ZNFX1: variants seen among roughly 807,000 people sequenced by gnomAD.
ZNFX1 encodes the protein zinc finger NFX1-type containing 1.
Under a neutral mutation model 179.8 loss-of-function variants are expected in ZNFX1, and 78 were observed. The observed-to-expected ratio is 0.43, with a 90% CI of 0.36 to 0.52. ZNFX1 has a LOEUF of 0.52. Among genes scored for constraint, ZNFX1 ranks in the 20% least tolerant of loss-of-function variants. The pLI is 0.00. For missense variants in ZNFX1, 1,927 were observed against 2,386.6 expected, an observed-to-expected ratio of 0.81 and a Z score of 4.01; for synonymous variants, 848 against 868.5, an observed-to-expected ratio of 0.98 and a Z score of 0.42.
chr20:49,272,883 A>G (rs1412260745), intron 2 of ZNFX1, among the ~76,000 whole-genome samples: 1 of 152,224 alleles, frequency 6.6e-6, no homozygotes. Flanking sequence ...GAAGCCTAAC[A>G]TACCCAAAGT....
chr20:49,251,075 G>T (rs1450017504), intron 13 of ZNFX1, among the ~76,000 whole-genome samples: 1 of 151,746 alleles, frequency 6.6e-6, no homozygotes, highest in Non-Finnish European at 1.5e-5. Flanking sequence ...AAAAACCCTG[G>T]TCTGTATTTC....
Position 49,257,638 on chromosome 20 carries a change from C to T in ZNFX1, c.2443G>A (p.Glu815Lys), listed in dbSNP as rs1485066302. ...TAQAEGDEEE[E>K]GEEESSLIEI... ...ATCAGCGAACTCTCCTCCTCCCCTT[C>T]TTCCTCCTCATCCCCTTCTGCCTGG... is the stretch of plus-strand genomic sequence containing the variant. The change falls in exon 8 of 14, where the codon GAA becomes AAA. Residue 815 changes from glutamate (E) to lysine (K), a missense_variant. Coordinates refer to ENST00000396105, the MANE Select transcript of ZNFX1 (RefSeq NM_021035.3). 1.9e-6 allele frequency: 3 copies of T among 1,613,846 alleles called. No individual in the cohort carries two copies. In the South Asian group the frequency reaches 3.3e-5, roughly 18 times the overall value.
rs1479225690 is a variant in ZNFX1 at position 49,247,026 on chromosome 20, G to C, written c.*241C>G. On this transcript the variant is annotated 3_prime_UTR_variant, in exon 14 of 14. Transcript: ENST00000396105. Reference sequence around the variant, plus strand: ...TGGGATTACAGGCGCCCGCCATAACGCCCAGCTAATTTTTGTATTTTTAGT... The same window carrying C: ...TGGGATTACAGGCGCCCGCCATAACCCCCAGCTAATTTTTGTATTTTTAGT... The C allele has an allele frequency of 3.1e-5, 15 of 486,074 alleles. No homozygotes were observed. Among genetic ancestry groups the C allele is most frequent in the South Asian group, 3.1e-4 (15 of 49,142 alleles). The allele number at this position is 486,074 out of a possible 1,614,324, so 30.1% of individuals were successfully genotyped here.
chr20:49,249,126 G>A lies in ZNFX1; in HGVS notation c.3898C>T (p.His1300Tyr). The A allele has an allele frequency of 6.2e-7, 1 of 1,614,236 alleles. No homozygotes were observed. Among genetic ancestry groups the A allele is most frequent in the Non-Finnish European group, 8.5e-7 (1 of 1,180,042 alleles). Residue 1300 changes from histidine (H) to tyrosine (Y), a missense_variant, in exon 14 of 14, where the codon CAT becomes TAT. Transcript: ENST00000396105. The stretch of plus-strand genomic sequence containing the variant: ...GGGTGGCAGGCACGGGTGCAGACAT[G>A]CCCACAGCCCAGGCGGAACTCGCAG... The part of the protein sequence containing the change: ...LPCEFRLGCG[H>Y]VCTRACHPYD...
chr20:49,269,472 G>A (rs1160297557), intron 3 of ZNFX1, among the ~76,000 whole-genome samples: 3 of 152,038 alleles, frequency 2.0e-5, no homozygotes, highest in Non-Finnish European at 4.4e-5. Context: ...ACCTGAGGTC[G>A]GGAGTTCGAG....
At position 49,247,887 on chromosome 20, in the gene ZNFX1, C is replaced by T; in HGVS notation, c.5137G>A (p.Ala1713Thr). Residue 1713 changes from alanine (A) to threonine (T), a missense_variant, in exon 14 of 14, where the codon GCC becomes ACC. By Grantham distance (58) the Ala-to-Thr change is moderately conservative (BLOSUM62 0). Coordinates refer to ENST00000396105, the MANE Select transcript of ZNFX1 (RefSeq NM_021035.3). Reference sequence around the variant, plus strand: ...TTTTTCAGGGAATCCCACAGGCTGGCCAGGTGGTCATAGAAGCTGATGTAA... The same window carrying T: ...TTTTTCAGGGAATCCCACAGGCTGGTCAGGTGGTCATAGAAGCTGATGTAA... ...ENYISFYDHL[A>T]SLWDSLKKMH... 1.9e-6 allele frequency: 3 copies of T among 1,614,134 alleles called. No individual in the cohort carries two copies. Among genetic ancestry groups the T allele is most frequent in the Non-Finnish European group, 2.5e-6 (3 of 1,180,022 alleles).
At chr20:49,254,703 G>C in intron 9 of ZNFX1, 54 bp from the exon 10 acceptor site, 1 of 1,593,630 alleles carries the variant, frequency 6.3e-7, no homozygotes, top group Non-Finnish European at 8.6e-7. Flanking sequence ...TGAGAAGGTG[G>C]AAGAACGCCC....
rs746935622 is a variant in ZNFX1 at position 49,270,729 on chromosome 20, T to C, written c.1083A>G (p.Lys361=). ...PFLRPNIISG[K]YDSTAIYLDT... is the part of the protein sequence containing the mutation. ...CCAGATAGATAGCAGTGCTGTCGTA[T>C]TTTCCAGAAATGATATTGGGGCGAA... is the stretch of plus-strand genomic sequence containing the variant. Residue 361 remains lysine, a synonymous_variant, in exon 3 of 14, where the codon AAA becomes AAG. Transcript: ENST00000396105. The surrounding 1 kb of genome is among the most constrained non-coding windows in gnomAD (Gnocchi z 4.6). 2.5e-6 allele frequency: 4 copies of C among 1,614,196 alleles called. No homozygotes were observed. In the Middle Eastern group the frequency reaches 4.9e-4, roughly 200 times the overall value.
intron 13 of ZNFX1, 110 bp from the exon 14 acceptor site, chr20:49,249,821 G>C: frequency 7.9e-7 from 1 of 1,266,680 alleles, no homozygotes; most frequent in Non-Finnish European, 1.1e-6. Flanking sequence ...AGAGACCTTG[G>C]AAAGCTTTTT....
chr20:49,273,694 C>T (rs1170602492), intron 2 of ZNFX1, among the ~76,000 whole-genome samples: 1 of 152,136 alleles, frequency 6.6e-6, no homozygotes, highest in African/African-American at 2.4e-5. Context: ...CTTTGGGAGG[C>T]TAAGGCAGGC....
At chr20:49,277,113 A>G (rs1981587354) in intron 1 of ZNFX1, among the ~76,000 whole-genome samples, 1 of 151,672 alleles carries the variant, frequency 6.6e-6, no homozygotes, top group South Asian at 2.1e-4. Flanking sequence ...TGGTGGGGGG[A>G]ATCAAGGCCT....
At position 49,254,585 on chromosome 20, in the gene ZNFX1, G is replaced by A. The variant is rs377053417; in HGVS notation, c.2869C>T (p.Arg957Cys). ...RKILSYERQYRTSAERMAELR... is the reference protein window; with the variant it reads ...RKILSYERQYCTSAERMAELR... The stretch of plus-strand genomic sequence containing the variant: ...TCGGCCATTCTTTCTGCTGATGTGC[G>A]GTACTGGCGTTCATAGCTGAGGATC... Residue 957 changes from arginine (R) to cysteine (C), a missense_variant, in exon 10 of 14, where the codon CGC becomes TGC. Transcript: ENST00000396105. The A allele has an allele frequency of 9.7e-5, 156 of 1,614,026 alleles. No homozygotes were observed. Among genetic ancestry groups the A allele is most frequent in the Non-Finnish European group, 1.2e-4 (146 of 1,180,044 alleles).
intron 2 of ZNFX1, 135 bp from the exon 3 acceptor site, chr20:49,271,885 T>C: frequency 1.0e-6 from 1 of 995,582 alleles, no homozygotes; most frequent in Non-Finnish European, 1.4e-6. Context: ...AAACGGTTTC[T>C]ACCAAGTCAT....
In ZNFX1 at chr20:49,277,020, T is replaced by TA. The variant is rs889455280; in HGVS notation, c.-49+1000dup. Among the ~76,000 whole-genome samples, 183 of 151,048 alleles carry TA rather than the reference T, an allele frequency of 1.2e-3. 1 individual carries two copies. Among genetic ancestry groups the TA allele is most frequent in the African/African-American group, 4.2e-3 (175 of 41,228 alleles). On this transcript the variant is annotated intron_variant, in intron 1 of 13. Transcript: ENST00000396105. ...AACGGAAGAAAAGAAAAAAAGATGT[T>TA]AAAAAAAAGGCAAGGGAAGGAAGGG...
At chr20:49,266,069 A>G (rs916539691) in intron 4 of ZNFX1, 66 bp downstream of exon 4, 3 of 1,554,796 alleles carry the variant, frequency 1.9e-6, no homozygotes, top group Non-Finnish European at 2.6e-6. Context: ...ATAGAAAGCT[A>G]CTGAAGTTGC....
chr20:49,266,870 T>C (rs1012894103), intron 3 of ZNFX1, among the ~76,000 whole-genome samples: 7 of 152,146 alleles, frequency 4.6e-5, no homozygotes, highest in Non-Finnish European at 1.0e-4. Flanking sequence ...TGGCCATTAA[T>C]TAATTAATTA....
intron 11 of ZNFX1, among the ~76,000 whole-genome samples, 165 bp from the exon 12 acceptor site, chr20:49,252,995 G>A (rs763920038): frequency 3.3e-5 from 5 of 152,224 alleles, no homozygotes; most frequent in Non-Finnish European, 7.3e-5. Flanking sequence ...AAGGGTTAAG[G>A]ATTAGTAGAA....
chr20:49,270,057 T>C lies in ZNFX1; in HGVS notation c.1755A>G (p.Leu585=), dbSNP rs767678505. 10 of 1,614,254 alleles carry C rather than the reference T, an allele frequency of 6.2e-6. No individual in the cohort carries two copies. The highest frequency in any genetic ancestry group is 8.5e-6 in the Non-Finnish European group (10 of 1,180,034). ...EGLRHPRINV[L]DPGQWPSKEA... is the part of the protein sequence containing the mutation. ...CTTTTGAGGGCCACTGGCCAGGATCTAAGACATTAATTCTGGGATGTCTCA... is the reference window on the plus strand; with the variant it reads ...CTTTTGAGGGCCACTGGCCAGGATCCAAGACATTAATTCTGGGATGTCTCA... Residue 585 remains leucine, a synonymous_variant, in exon 3 of 14, where the codon TTA becomes TTG. Transcript: ENST00000396105. The surrounding 1 kb of genome is among the most constrained non-coding windows in gnomAD (Gnocchi z 4.6).
intron 11 of ZNFX1, among the ~76,000 whole-genome samples, chr20:49,253,396 AG>A (rs1980891621): frequency 1.3e-5 from 2 of 152,158 alleles, no homozygotes; most frequent in African/African-American, 4.8e-5. Flanking sequence ...GAGACTGAGG[AG>A]CATGCTATTA....
Sources: allele counts gnomAD v4.1 joint callset (sites outside exome capture counted in the v4.1 genomes callset), GRCh38; gene constraint gnomAD v4.1.1; non-coding constraint Gnocchi (gnomAD v3.1); transcripts MANE v1.5; gene names NCBI Gene and HGNC (gene_info 2026-07-23, HGNC 2026-07-21).